The following GLRA1 variants were observed in gnomAD, a reference collection of about 807,000 sequenced individuals.
The protein encoded by GLRA1 is glycine receptor alpha 1, also known as glycine receptor subunit alpha-1.
A neutral mutation model predicts 48.3 loss-of-function variants in GLRA1; 37 were observed. The observed-to-expected ratio is 0.77, with a 90% CI of 0.59 to 1.01. The LOEUF is 1.01. Among genes scored for constraint, GLRA1 ranks in the 50% least tolerant of loss-of-function variants. The probability of loss-of-function intolerance (pLI) is 0.00; values close to 1 mark genes in which losing one functional copy is unlikely to be tolerated. For synonymous variants in GLRA1, 196 were observed against 210.7 expected (o/e 0.93, Z 0.60); for missense variants, 427 against 571.0 (o/e 0.75, Z 2.57).
chr5:151,855,847 A>G (rs187217184), intron 5 of GLRA1, among the ~76,000 whole-genome samples: 1 of 152,042 alleles, frequency 6.6e-6, no homozygotes, highest in Admixed American at 6.5e-5. Context: ...TACTCCAATA[A>G]CCTCTTTCCT....
In GLRA1 at chr5:151,828,908, C is replaced by A; in HGVS notation, c.1059+13G>T. The A allele has an allele frequency of 6.2e-7, 1 of 1,612,844 alleles. No individual in the cohort carries two copies. Among genetic ancestry groups the A allele is most frequent in the African/African-American group, 1.3e-5 (1 of 75,020 alleles). ...ACAGCTGTCCCTCCTTAGGCAGTGA[C>A]CCAAAGGCCTACCTTGTGATGTCTC... On this transcript the variant is annotated intron_variant, in intron 8 of 8. Coordinates refer to ENST00000274576, the MANE Select transcript of GLRA1 (RefSeq NM_000171.4).
Position 151,822,743 on chromosome 5 carries a change from A to G in GLRA1, c.1280T>C (p.Phe427Ser). The G allele has an allele frequency of 6.2e-7, 1 of 1,613,904 alleles. No homozygotes were observed. The highest frequency in any genetic ancestry group is 2.2e-5 in the East Asian group (1 of 44,872). Residue 427 changes from phenylalanine to serine, a missense_variant, in exon 9 of 9, where the codon TTC becomes TCC. By Grantham distance (155) the Phe-to-Ser change is radical (BLOSUM62 -2). Transcript: ENST00000274576. ...KISRIGFPMA[F>S]LIFNMFYWII... ...CCAGTAGAACATGTTGAAAATGAGG[A>G]AGGCCATGGGGAAGCCAATGCGGGA... is the stretch of plus-strand genomic sequence containing the variant.
At chr5:151,921,005 T>A (rs933786402) in intron 1 of GLRA1, among the ~76,000 whole-genome samples, 6 of 152,224 alleles carry the variant, frequency 3.9e-5, no homozygotes, top group African/African-American at 1.4e-4. Flanking sequence ...TTGATCCTAA[T>A]GTGGATAGAA....
At chr5:151,858,995 T>C (rs1365811435) in intron 4 of GLRA1, among the ~76,000 whole-genome samples, 1 of 152,332 alleles carries the variant, frequency 6.6e-6, no homozygotes. Context: ...CTGGAAACTT[T>C]GGCAGGTTAC....
intron 8 of GLRA1, among the ~76,000 whole-genome samples, chr5:151,824,333 C>T (rs1463076494): frequency 6.6e-6 from 1 of 151,882 alleles, no homozygotes; most frequent in East Asian, 1.9e-4. Flanking sequence ...CCCCACCACC[C>T]AACCCATCTG....
intron 1 of GLRA1, among the ~76,000 whole-genome samples, chr5:151,897,076 C>T (rs1241186711): frequency 6.6e-6 from 1 of 152,098 alleles, no homozygotes; most frequent in Non-Finnish European, 1.5e-5. Flanking sequence ...ACTTAAAATC[C>T]TCCCCCTCCC....
intron 7 of GLRA1, among the ~76,000 whole-genome samples, chr5:151,833,750 A>G (rs1366646857): frequency 7.1e-6 from 1 of 140,330 alleles, no homozygotes; most frequent in African/African-American, 2.7e-5. Context: ...GGCATGAGCA[A>G]TCGTGTCTGG....
intron 3 of GLRA1, among the ~76,000 whole-genome samples, chr5:151,867,456 A>G (rs1753366392): frequency 6.6e-6 from 1 of 152,158 alleles, no homozygotes; most frequent in South Asian, 2.1e-4. Context: ...AAGGAATCTC[A>G]TGTAGAAGGA....
chr5:151,889,157 C>T (rs1235853948), intron 2 of GLRA1, among the ~76,000 whole-genome samples: 2 of 152,160 alleles, frequency 1.3e-5, no homozygotes, highest in African/African-American at 2.4e-5. Flanking sequence ...CCAAAAGGAT[C>T]CTATGGGAAG....
chr5:151,856,304 T>C lies in GLRA1; in HGVS notation c.556A>G (p.Ser186Gly). ...DVQTCIMQLE[S>G]FGYTMNDLIF... The stretch of plus-strand genomic sequence containing the variant: ...AGGACTCATGCAAGACACTCACAGC[T>C]TTCCAGTTGCATGATACATGTCTGG... Residue 186 changes from serine (S) to glycine (G), a missense_variant, in exon 5 of 9, where the codon AGC (serine) becomes GGC (glycine). Physicochemically the swap from Ser to Gly is moderately conservative, Grantham distance 56. This residue lies in a region of GLRA1 where 271 missense variants were observed against 434.9 expected (regional missense o/e 0.62). Transcript: ENST00000274576. The C allele has an allele frequency of 6.2e-7, 1 of 1,607,056 alleles. No homozygotes were observed. The highest frequency in any genetic ancestry group is 8.5e-7 in the Non-Finnish European group (1 of 1,173,912).
intron 2 of GLRA1, among the ~76,000 whole-genome samples, chr5:151,889,941 G>A (rs1754016911): frequency 6.6e-6 from 1 of 152,110 alleles, no homozygotes; most frequent in African/African-American, 2.4e-5. Flanking sequence ...GCTAGTTGCA[G>A]GGTTGGGACG....
At chr5:151,893,342 T>C (rs1225597042) in intron 1 of GLRA1, among the ~76,000 whole-genome samples, 1 of 149,574 alleles carries the variant, frequency 6.7e-6, no homozygotes, top group Non-Finnish European at 1.5e-5. Context: ...CTTTCTTTCT[T>C]TCTTTCTTTC....
chr5:151,911,155 G>C (rs1384438681), intron 1 of GLRA1, among the ~76,000 whole-genome samples: 1 of 152,110 alleles, frequency 6.6e-6, no homozygotes, highest in Non-Finnish European at 1.5e-5. Flanking sequence ...CAGCTTGACT[G>C]TTCTGCAAGC....
rs533031515 is a variant in GLRA1 at position 151,909,899 on chromosome 5, T to C, written c.56+14595A>G. On this transcript the variant is annotated intron_variant, in intron 1 of 8. Transcript: ENST00000274576. ...ATGTAATTCTTTCCATCTCTAACTTTTTTTTTTTGTCATGAGTAGGAGTAT... is the reference window on the plus strand; with the variant it reads ...ATGTAATTCTTTCCATCTCTAACTTCTTTTTTTTGTCATGAGTAGGAGTAT... Among the ~76,000 whole-genome samples, 386 of 152,256 alleles carry C rather than the reference T, an allele frequency of 2.5e-3. 1 individual carries two copies. Among genetic ancestry groups the C allele is most frequent in the Admixed American group, 5.9e-3 (91 of 15,302 alleles).
chr5:151,882,962 T>G (rs1298428661), intron 3 of GLRA1, among the ~76,000 whole-genome samples: 4 of 152,190 alleles, frequency 2.6e-5, no homozygotes, highest in Admixed American at 1.3e-4. Flanking sequence ...TTGGTTATGT[T>G]GTAGTCATTT....
chr5:151,828,780 A>G, intron 8 of GLRA1, 141 bp downstream of exon 8: 1 of 853,554 alleles, frequency 1.2e-6, no homozygotes, highest in Non-Finnish European at 1.8e-6. Flanking sequence ...TGAGACCTCT[A>G]GGTCTTTAAT....
chr5:151,923,524 T>G (rs1754929858), intron 1 of GLRA1, among the ~76,000 whole-genome samples: 1 of 152,210 alleles, frequency 6.6e-6, no homozygotes. Context: ...TGTTTTTCAA[T>G]TCATATAAGT....
intron 6 of GLRA1, among the ~76,000 whole-genome samples, chr5:151,853,764 T>C (rs1469060717): frequency 6.6e-6 from 1 of 152,168 alleles, no homozygotes; most frequent in East Asian, 1.9e-4. Flanking sequence ...TGGTGTTATA[T>C]CTAGGAATCT....
chr5:151,901,555 T>C (rs976911749), intron 1 of GLRA1, among the ~76,000 whole-genome samples: 6 of 152,256 alleles, frequency 3.9e-5, no homozygotes, highest in Non-Finnish European at 7.3e-5. Flanking sequence ...TCAATGCAGC[T>C]TTCTTTTTAA....
Sources: gnomAD v4.1 joint callset for allele counts (sites outside exome capture counted in the v4.1 genomes callset) on GRCh38, gnomAD v4.1.1 for gene constraint, gnomAD v4.1.1 regional missense constraint, MANE v1.5 for transcripts, NCBI Gene and HGNC (gene_info 2026-07-23, HGNC 2026-07-21) for gene names.